The following LARP1B variants were observed in gnomAD, a reference collection of about 807,000 sequenced individuals.
LARP1B encodes La ribonucleoprotein 1B.
A neutral mutation model predicts 114.2 loss-of-function variants in LARP1B; 76 were observed. The ratio of observed to expected loss-of-function variants is 0.67; its 90% CI spans 0.55 to 0.81. The LOEUF (loss-of-function observed/expected upper bound fraction) is 0.81, where lower values mean the gene tolerates loss of function less well. Among genes scored for constraint, LARP1B ranks in the 30% least tolerant of loss-of-function variants. LARP1B has a pLI of 0.00. For missense variants in LARP1B, 1,014 were observed against 1,075.8 expected (o/e 0.94, Z 0.80); for synonymous variants, 345 against 348.0 (o/e 0.99, Z 0.10).
At chr4:128,068,404 T>A (rs768400974) in intron 1 of LARP1B, among the ~76,000 whole-genome samples, 1 of 151,604 alleles carries the variant, frequency 6.6e-6, no homozygotes, top group Non-Finnish European at 1.5e-5. Context: ...CACTGCAGCC[T>A]AGAACTCCTG....
intron 11 of LARP1B, among the ~76,000 whole-genome samples, chr4:128,147,184 C>T (rs972616369): frequency 3.3e-5 from 5 of 152,284 alleles, no homozygotes; most frequent in Admixed American, 6.5e-5. Context: ...TTAGCTGGGA[C>T]GAGAGACCTC....
chr4:128,200,483 A>G (rs1355455570), intron 16 of LARP1B, 38 bp from the exon 17 acceptor site: 2 of 1,262,840 alleles, frequency 1.6e-6, no homozygotes, highest in Admixed American at 3.1e-5. Flanking sequence ...TTTAAAAAGT[A>G]TGTTTAATAA....
chr4:128,118,014 C>G (rs970161423), intron 10 of LARP1B, among the ~76,000 whole-genome samples: 1 of 146,802 alleles, frequency 6.8e-6, no homozygotes, highest in East Asian at 2.0e-4. Flanking sequence ...CTCCTGGGCT[C>G]AAGCGATTCC....
At chr4:128,130,114 A>G (rs182193707) in intron 11 of LARP1B, among the ~76,000 whole-genome samples, 1 of 152,308 alleles carries the variant, frequency 6.6e-6, no homozygotes, top group Admixed American at 6.5e-5. Context: ...GTACTTTGGG[A>G]GGCTGAAGTG....
intron 11 of LARP1B, among the ~76,000 whole-genome samples, chr4:128,130,689 ATGAGT>A (rs1160678414): frequency 1.3e-5 from 2 of 152,236 alleles, no homozygotes; most frequent in Non-Finnish European, 2.9e-5. Context: ...ATTTACTCAA[ATGAGT>A]TGAGATGTGT....
At chr4:128,103,763 T>C (rs1401448963) in intron 8 of LARP1B, among the ~76,000 whole-genome samples, 1 of 152,020 alleles carries the variant, frequency 6.6e-6, no homozygotes, top group African/African-American at 2.4e-5. Context: ...GTTTTTGCCA[T>C]GTTGGCCAGG....
Position 128,091,053 on chromosome 4 carries a change from G to A in LARP1B, c.411G>A (p.Val137=). Reference sequence around the variant, plus strand: ...ATGATCAAGATGACGTTTCCAGTGTGAGAAGTGAGGGTGGTAATATCCGAG... The same window carrying A: ...ATGATCAAGATGACGTTTCCAGTGTAAGAAGTGAGGGTGGTAATATCCGAG... ...KRDDQDDVSS[V]RSEGGNIRGS... is the part of the protein sequence containing the mutation. Residue 137 remains valine, a synonymous_variant, in exon 6 of 20, where the codon GTG becomes GTA. Coordinates refer to ENST00000326639, the MANE Select transcript of LARP1B (RefSeq NM_018078.4). 1 of 1,613,806 alleles carries A rather than the reference G, an allele frequency of 6.2e-7. No homozygotes were observed. Among genetic ancestry groups the A allele is most frequent in the Non-Finnish European group, 8.5e-7 (1 of 1,179,790 alleles).
rs896089210 is a variant in LARP1B at position 128,063,775 on chromosome 4, G to C, written c.-78+2374G>C. Among the ~76,000 whole-genome samples the C allele has an allele frequency of 4.0e-5, 6 of 151,428 alleles. No individual in the cohort carries two copies. In the South Asian group the frequency reaches 1.2e-3, roughly 32 times the overall value. ...GCCTGGGCAACAGGAGCGAAACTCC[G>C]TCTCAAAAAAAAACACAAAAAAACA... On this transcript the variant is annotated intron_variant, in intron 1 of 19. Coordinates refer to ENST00000326639, the MANE Select transcript of LARP1B (RefSeq NM_018078.4).
Position 128,210,738 on chromosome 4 carries a change from A to G in LARP1B, c.*685A>G, listed in dbSNP as rs1561586844. ...CCCAGTCATATCTCATGATTTCCACAGTTGTTGTATTGGTGTGGAGTTTTC... is the reference window on the plus strand; with the variant it reads ...CCCAGTCATATCTCATGATTTCCACGGTTGTTGTATTGGTGTGGAGTTTTC... On this transcript the variant is annotated 3_prime_UTR_variant, in exon 20 of 20. Coordinates refer to ENST00000326639, the MANE Select transcript of LARP1B (RefSeq NM_018078.4). 1 of 985,190 alleles carries G rather than the reference A, an allele frequency of 1.0e-6. No individual in the cohort carries two copies. The highest frequency in any genetic ancestry group is 1.7e-5 in the African/African-American group (1 of 57,208). The allele number at this position is 985,190 out of a possible 1,614,324, so 61.0% of individuals were successfully genotyped here.
At chr4:128,173,113 AT>A (rs961756361) in intron 12 of LARP1B, among the ~76,000 whole-genome samples, 3 of 151,880 alleles carry the variant, frequency 2.0e-5, no homozygotes, top group African/African-American at 7.3e-5. Context: ...TATAGTTATG[AT>A]TTTGTTTTTT....
Position 128,206,479 on chromosome 4 carries a change from A to T in LARP1B, c.2361A>T (p.Lys787Asn), listed in dbSNP as rs1301228873. ...FRFYSYGLEKKFRREIFQDFQ... is the reference protein window; with the variant it reads ...FRFYSYGLEKNFRREIFQDFQ... ...TTTATAGTTATGGACTGGAAAAAAAATTCAGGCGAGAAATTTTTCAGGATT... is the reference window on the plus strand; with the variant it reads ...TTTATAGTTATGGACTGGAAAAAAATTTCAGGCGAGAAATTTTTCAGGATT... Residue 787 changes from lysine to asparagine, a missense_variant, in exon 18 of 20, where the codon AAA (lysine) becomes AAT (asparagine). Coordinates refer to ENST00000326639, the MANE Select transcript of LARP1B (RefSeq NM_018078.4). 1.2e-6 allele frequency: 2 copies of T among 1,613,400 alleles called. No homozygotes were observed. The highest frequency in any genetic ancestry group is 2.7e-5 in the African/African-American group (2 of 74,892).
chr4:128,061,499 C>T (rs1322333735), intron 1 of LARP1B, 98 bp downstream of exon 1: 1 of 198,304 alleles, frequency 5.0e-6, no homozygotes, highest in Non-Finnish European at 9.0e-6. Context: ...GGTTGGCGCT[C>T]CGTTCGGTGC....
At chr4:128,061,089 A>G (rs1020599897), upstream of LARP1B, among the ~76,000 whole-genome samples, 1 of 151,902 alleles carries the variant, frequency 6.6e-6, no homozygotes, top group Non-Finnish European at 1.5e-5. Context: ...GGCCTCAGCC[A>G]GTGAGCCGGG....
At chr4:128,153,796 C>T (rs1734087182) in intron 11 of LARP1B, among the ~76,000 whole-genome samples, 1 of 152,102 alleles carries the variant, frequency 6.6e-6, no homozygotes, top group Non-Finnish European at 1.5e-5. Flanking sequence ...CTAAATTCTC[C>T]AGTTATTTGT....
At chr4:128,176,742 A>G in intron 12 of LARP1B, 130 bp from the exon 13 acceptor site, 3 of 770,172 alleles carry the variant, frequency 3.9e-6, no homozygotes, top group East Asian at 2.7e-5. Context: ...CTTTCTGGGA[A>G]GCAATGAGAC....
intron 15 of LARP1B, among the ~76,000 whole-genome samples, chr4:128,190,565 T>C (rs1203271579): frequency 6.6e-6 from 1 of 152,178 alleles, no homozygotes; most frequent in Non-Finnish European, 1.5e-5. Context: ...CATGCCGTTC[T>C]TGTGATAGTG....
At chr4:128,085,263 C>T (rs1351398723) in intron 5 of LARP1B, among the ~76,000 whole-genome samples, 7 of 151,450 alleles carry the variant, frequency 4.6e-5, no homozygotes, top group African/African-American at 1.7e-4. Flanking sequence ...TTCTTTTCTC[C>T]CTTTGTAATT....
At chr4:128,100,963 G>A (rs542822092) in intron 8 of LARP1B, among the ~76,000 whole-genome samples, 15 of 150,732 alleles carry the variant, frequency 1.0e-4, no homozygotes, top group Admixed American at 5.3e-4. Context: ...GATTACAGGC[G>A]CCTGCCACCA....
At chr4:128,089,478 G>A (rs565694076) in intron 5 of LARP1B, among the ~76,000 whole-genome samples, 62 of 151,812 alleles carry the variant, frequency 4.1e-4, no homozygotes, top group African/African-American at 8.7e-4. Context: ...TGGGATTACC[G>A]GCGCCCACCA....
Sources: gnomAD v4.1 joint callset for allele counts (sites outside exome capture counted in the v4.1 genomes callset) on GRCh38, gnomAD v4.1.1 for gene constraint, MANE v1.5 for transcripts, NCBI Gene and HGNC (gene_info 2026-07-23, HGNC 2026-07-21) for gene names.